Variants in SAMD11 observed in about 807,000 individuals in gnomAD.
The protein encoded by SAMD11 is sterile alpha motif domain containing 11.
A neutral mutation model predicts 64.4 loss-of-function variants in SAMD11; 77 were observed. That is an observed-to-expected ratio of 1.20 (90% CI 0.99 to 1.44). The LOEUF (loss-of-function observed/expected upper bound fraction) is 1.44, where lower values mean the gene tolerates loss of function less well. Ranked by LOEUF, SAMD11 falls within the 40% of genes most tolerant of loss-of-function variation. The probability of loss-of-function intolerance (pLI) is 0.00; values close to 1 mark genes in which losing one functional copy is unlikely to be tolerated. For missense variants in SAMD11, 1,402 were observed against 943.3 expected (o/e 1.49, Z -6.37); for synonymous variants, 658 against 421.9 (o/e 1.56, Z -6.86).
chr1:941,437 G>C, intron 8 of SAMD11, 131 bp downstream of exon 8: 1 of 947,862 alleles, frequency 1.1e-6, no homozygotes. Context: ...CGGGCAGAGC[G>C]TTTCGGGGGT....
intron 4 of SAMD11, among the ~76,000 whole-genome samples, chr1:935,442 C>T (rs750533090): frequency 7.0e-6 from 1 of 143,158 alleles, no homozygotes; most frequent in East Asian, 2.0e-4. Flanking sequence ...GTGGGCCCCT[C>T]GACCCCCTTT....
chr1:927,529 G>GT (rs1289534321), intron 2 of SAMD11, among the ~76,000 whole-genome samples: 2 of 152,180 alleles, frequency 1.3e-5, no homozygotes, highest in Non-Finnish European at 2.9e-5. Flanking sequence ...TCCCAGGCCT[G>GT]TCCCACACCC....
intron 7 of SAMD11, 25 bp from the exon 8 acceptor site, chr1:941,118 GA>G (rs765383278): frequency 3.0e-5 from 47 of 1,564,758 alleles, no homozygotes; most frequent in East Asian, 9.4e-5. Flanking sequence ...TAGCCGGGGG[GA>G]TCACTGCTGT....
intron 2 of SAMD11, among the ~76,000 whole-genome samples, chr1:929,764 G>A (rs1641081645): frequency 6.6e-6 from 1 of 152,182 alleles, no homozygotes; most frequent in African/African-American, 2.4e-5. Context: ...GTCGCACATG[G>A]GGTGGCCCCG....
At position 943,360 on chromosome 1, in the gene SAMD11, T is replaced by TGTGGA; in HGVS notation, c.2163_2167dup (p.Glu723ValfsTer21). On this transcript the variant is annotated frameshift_variant, in exon 12 of 14. Coordinates refer to ENST00000616016, the MANE Select transcript of SAMD11 (RefSeq NM_001385641.1). LOFTEE classifies it high-confidence loss of function. ...CAGCTTCGTGGGGGGCCTGTCTGGCTGTGGAGAGTACACTCGGGTAAGGGG... is the reference window on the plus strand; with the variant it reads ...CAGCTTCGTGGGGGGCCTGTCTGGCTGTGGAGTGGAGAGTACACTCGGGTAAGGGG... 1.9e-6 allele frequency: 3 copies of TGTGGA among 1,577,108 alleles called. No individual in the cohort carries two copies. Among genetic ancestry groups the TGTGGA allele is most frequent in the Non-Finnish European group, 2.6e-6 (3 of 1,159,966 alleles).
chr1:943,350 CCTGT>C lies in SAMD11; in HGVS notation c.2155_2158del (p.Ser719AlafsTer22), dbSNP rs1409299599. Reference sequence around the variant, plus strand: ...ATGACGTCTGCAGCTTCGTGGGGGGCCTGTCTGGCTGTGGAGAGTACACTCGGGT... The same window carrying C: ...ATGACGTCTGCAGCTTCGTGGGGGGCCTGGCTGTGGAGAGTACACTCGGGT... On this transcript the variant is annotated frameshift_variant, in exon 12 of 14. Transcript: ENST00000616016. LOFTEE classifies it high-confidence loss of function. The C allele has an allele frequency of 1.9e-6, 3 of 1,590,724 alleles. No individual in the cohort carries two copies. Among genetic ancestry groups the C allele is most frequent in the East Asian group, 2.3e-5 (1 of 44,406 alleles).
intron 7 of SAMD11, 22 bp downstream of exon 7, chr1:939,434 A>G: frequency 2.8e-6 from 4 of 1,439,634 alleles, no homozygotes; most frequent in Non-Finnish European, 3.8e-6. Context: ...CCCTGGCATG[A>G]TCCCCCTCAT....
At chr1:933,416 C>T (rs373294779) in intron 4 of SAMD11, among the ~76,000 whole-genome samples, 13 of 152,300 alleles carry the variant, frequency 8.5e-5, no homozygotes, top group African/African-American at 1.9e-4. Flanking sequence ...CCAGCCACAG[C>T]CCCTCCACCC....
Position 942,863 on chromosome 1 carries a change from G to C in SAMD11, c.1858G>C (p.Ala620Pro). The change falls in exon 11 of 14, where the codon GCA becomes CCA. Residue 620 changes from alanine to proline, a missense_variant. By Grantham distance (27) the Ala-to-Pro change is conservative. Coordinates refer to ENST00000616016, the MANE Select transcript of SAMD11 (RefSeq NM_001385641.1). ...GGAGATGACGGGGGCTAGGCTCTGG[G>C]CACAAGATGGCTCGGAAGACGAGCC... ...SKEMTGARLW[A>P]QDGSEDEPPK... 6.4e-7 allele frequency: 1 copy of C among 1,553,450 alleles called. No homozygotes were observed.
intron 3 of SAMD11, 55 bp from the exon 4 acceptor site, chr1:930,984 G>C: frequency 1.9e-6 from 3 of 1,560,790 alleles, no homozygotes; most frequent in Non-Finnish European, 2.6e-6. Context: ...GCTATCCTGA[G>C]GCTGGGGTCA....
intron 2 of SAMD11, among the ~76,000 whole-genome samples, chr1:927,072 C>A (rs557176619): frequency 2.9e-4 from 44 of 152,268 alleles, no homozygotes; most frequent in Admixed American, 2.8e-3. Context: ...GCATGTTGGG[C>A]AGGGGAAGGG....
chr1:943,553 G>A, intron 12 of SAMD11, 145 bp from the exon 13 acceptor site: 2 of 814,902 alleles, frequency 2.5e-6, no homozygotes, highest in South Asian at 4.8e-5. Flanking sequence ...TTTTTTGCCA[G>A]GTGTTTTCTG....
intron 2 of SAMD11, among the ~76,000 whole-genome samples, chr1:929,798 G>A (rs1641083256): frequency 6.6e-6 from 1 of 152,142 alleles, no homozygotes; most frequent in African/African-American, 2.4e-5. Flanking sequence ...AGTTGGCCAG[G>A]ACCCTCTAGC....
chr1:943,212 G>C (rs1641914901), intron 11 of SAMD11, 41 bp from the exon 12 acceptor site: 1 of 1,611,244 alleles, frequency 6.2e-7, no homozygotes, highest in Non-Finnish European at 8.5e-7. Context: ...GCGGGTATGG[G>C]AAAGCCAGCC....
Position 939,040 on chromosome 1 carries a change from G to A in SAMD11, c.968G>A (p.Gly323Asp), listed in dbSNP as rs765284542. 1.9e-6 allele frequency: 3 copies of A among 1,597,152 alleles called. No individual in the cohort carries two copies. The highest frequency in any genetic ancestry group is 2.7e-5 in the African/African-American group (2 of 74,772). Residue 323 changes from glycine (G) to aspartate (D), a missense_variant and splice_region_variant, in exon 6 of 14, where the codon GGT becomes GAT. Transcript: ENST00000616016. ...GSLEIGLRPA[G>D]DLLGKRLGRS... is the part of the protein sequence containing the mutation. ...GTGGGCACTCACTACCCTCCCGCAGGTGACCTGTTGGGCAAGAGGCTGGGC... is the reference window on the plus strand; with the variant it reads ...GTGGGCACTCACTACCCTCCCGCAGATGACCTGTTGGGCAAGAGGCTGGGC...
chr1:939,570 T>TCCCTGGAGGACC (rs6143081), intron 7 of SAMD11, 158 bp downstream of exon 7: 921,348 of 1,348,754 alleles, frequency 0.68, 320,889 homozygotes, highest in East Asian at 0.84. Context: ...TGGATGCAGG[T>TCCCTGGAGGACC]CCCTCTGCCA....
rs566564035 is a variant in SAMD11 at position 943,238 on chromosome 1, C to T, written c.2054-15C>T. On this transcript the variant is annotated splice_polypyrimidine_tract_variant and intron_variant, in intron 11 of 13. Transcript: ENST00000616016. ...AAAGCCAGCCAGAGCCCTAGTAACA[C>T]GCCCCACAACTCAGGCGCGGTAGGG... The T allele has an allele frequency of 8.1e-5, 130 of 1,612,480 alleles. 1 individual carries two copies. The highest frequency in any genetic ancestry group is 2.8e-5 in the Non-Finnish European group (33 of 1,179,724).
At chr1:936,837 C>T (rs1486544763) in intron 5 of SAMD11, among the ~76,000 whole-genome samples, 2 of 152,254 alleles carry the variant, frequency 1.3e-5, no homozygotes, top group South Asian at 2.1e-4. Flanking sequence ...ATCTAATTGC[C>T]CCATCGATCC....
Position 943,372 on chromosome 1 carries a change from A to G in SAMD11, c.2173A>G (p.Thr725Ala), listed in dbSNP as rs772498465. ...VGGLSGCGEYTRVFREQGIDG... is the reference protein window; with the variant it reads ...VGGLSGCGEYARVFREQGIDG... ...GGGCCTGTCTGGCTGTGGAGAGTAC[A>G]CTCGGGTAAGGGGGGGCCCCAGTTC... Residue 725 changes from threonine to alanine, a missense_variant, in exon 12 of 14, where the codon ACT becomes GCT. By Grantham distance (58) the Thr-to-Ala change is moderately conservative. Coordinates refer to ENST00000616016, the MANE Select transcript of SAMD11 (RefSeq NM_001385641.1). 4 of 1,551,096 alleles carry G rather than the reference A, an allele frequency of 2.6e-6. No homozygotes were observed. The highest frequency in any genetic ancestry group is 2.8e-5 in the African/African-American group (2 of 72,638).
Sources: allele counts gnomAD v4.1 joint callset (sites outside exome capture counted in the v4.1 genomes callset), GRCh38; gene constraint gnomAD v4.1.1; transcripts MANE v1.5; gene names NCBI Gene and HGNC (gene_info 2026-07-23, HGNC 2026-07-21).